The following PCLO variants were observed in gnomAD, a reference collection of about 807,000 sequenced individuals.
PCLO encodes piccolo presynaptic cytomatrix protein.
PCLO carries 82 observed loss-of-function variants against 427.5 expected under a neutral mutation model. That is an observed-to-expected ratio of 0.19 (90% confidence interval 0.16 to 0.23). The LOEUF is 0.23. Ranked by LOEUF, PCLO falls within the 10% of genes least tolerant of loss-of-function variation. The probability of loss-of-function intolerance (pLI) is 1.00; values close to 1 mark genes in which losing one functional copy is unlikely to be tolerated. For synonymous variants in PCLO, 2,357 were observed against 2,155.4 expected, an observed-to-expected ratio of 1.09 and a Z score of -2.59; for missense variants, 6,239 against 6,115.9, an observed-to-expected ratio of 1.02 and a Z score of -0.67.
intron 6 of PCLO, among the ~76,000 whole-genome samples, chr7:82,934,020 T>C (rs1794896751): frequency 6.6e-6 from 1 of 151,960 alleles, no homozygotes; most frequent in Admixed American, 6.6e-5. Context: ...GCAAGTGAGA[T>C]TTTATTTTAT....
At position 82,953,281 on chromosome 7, in the gene PCLO, T is replaced by G; in HGVS notation, c.7672A>C (p.Thr2558Pro). Reference protein sequence around the residue: ...TSADYKLPSPTSPLSPHSNKS... With the variant: ...TSADYKLPSPPSPLSPHSNKS... The stretch of plus-strand genomic sequence containing the variant: ...TTGGAGTGTGGGGAAAGTGGGGAGG[T>G]AGGGGAAGGCAATTTATAATCTGCT... Residue 2558 changes from threonine to proline, a missense_variant, in exon 5 of 25, where the codon ACC becomes CCC. This residue lies in a region of PCLO where 4,677 missense variants were observed against 4,468.4 expected (regional missense o/e 1.05). Transcript: ENST00000333891. The G allele has an allele frequency of 1.2e-6, 2 of 1,613,186 alleles. No individual in the cohort carries two copies. The highest frequency in any genetic ancestry group is 1.7e-6 in the Non-Finnish European group (2 of 1,179,698).
At chr7:82,965,198 G>C (rs1795736303) in intron 4 of PCLO, among the ~76,000 whole-genome samples, 1 of 151,846 alleles carries the variant, frequency 6.6e-6, no homozygotes, top group African/African-American at 2.4e-5. Context: ...ACTGCTAACA[G>C]ATACATTATA....
In PCLO at chr7:82,835,692, G is replaced by C; in HGVS notation, c.14224C>G (p.Gln4742Glu). 6.2e-7 allele frequency: 1 copy of C among 1,608,962 alleles called. No individual in the cohort carries two copies. Among genetic ancestry groups the C allele is most frequent in the Non-Finnish European group, 8.5e-7 (1 of 1,177,038 alleles). ...VKVYLLPGRG[Q>E]VMVVQNASAE... ...CTTGCATTCTGGACAACCATGACTTGACTGCATTGATTCCAAGAGCGAGAG... is the reference window on the plus strand; with the variant it reads ...CTTGCATTCTGGACAACCATGACTTCACTGCATTGATTCCAAGAGCGAGAG... The change falls in exon 16 of 25, where the codon CAA (glutamine) becomes GAA (glutamate). Residue 4742 changes from glutamine to glutamate, a missense_variant and splice_region_variant. Gln to Glu is a conservative substitution (Grantham distance 29). Coordinates refer to ENST00000333891, the MANE Select transcript of PCLO (RefSeq NM_033026.6).
At chr7:82,803,149 A>G (rs570612350) in intron 21 of PCLO, among the ~76,000 whole-genome samples, 3 of 152,182 alleles carry the variant, frequency 2.0e-5, no homozygotes, top group Non-Finnish European at 2.9e-5. Flanking sequence ...AAGAAAAAAA[A>G]AAGAACTCTG....
rs1795926564 is a variant in PCLO, at chr7:82,972,398, C to A, written c.3301-5911G>T. ...TAGCAACAATCCCATTAAGGAGAAT[C>A]TCAGAACTTCAGGGCTGCCTATTTA... On this transcript the variant is annotated intron_variant, in intron 3 of 24. Transcript: ENST00000333891. 1.3e-5 allele frequency among the ~76,000 whole-genome samples: 2 copies of A among 151,974 alleles called. 1 individual carries two copies. Among genetic ancestry groups the A allele is most frequent in the South Asian group, 4.1e-4 (2 of 4,828 alleles).
At chr7:82,815,457 A>G (rs1298652268) in intron 20 of PCLO, among the ~76,000 whole-genome samples, 2 of 152,102 alleles carry the variant, frequency 1.3e-5, no homozygotes, top group African/African-American at 2.4e-5. Context: ...TGAATTAGGT[A>G]GTTGTAAAAA....
chr7:82,956,558 T>C lies in PCLO; in HGVS notation c.4395A>G (p.Glu1465=), dbSNP rs958827211. The part of the protein sequence containing the change: ...LSETLEITIS[E]EEIKESQEER... ...CTTCTTGACTCTCTTTGATCTCCTC[T>C]TCTGAAATAGTAATTTCCAAGGTTT... Residue 1465 remains glutamate, a synonymous_variant, in exon 5 of 25, where the codon GAA becomes GAG. Transcript: ENST00000333891. 3 of 1,612,884 alleles carry C rather than the reference T, an allele frequency of 1.9e-6. No homozygotes were observed. The highest frequency in any genetic ancestry group is 2.7e-5 in the African/African-American group (2 of 74,886).
chr7:83,021,199 T>A (rs1399799782), intron 3 of PCLO, among the ~76,000 whole-genome samples: 1 of 152,118 alleles, frequency 6.6e-6, no homozygotes, highest in Non-Finnish European at 1.5e-5. Flanking sequence ...CCAGAACTCC[T>A]CAGGAGGATA....
At chr7:83,067,849 A>G (rs1473957343) in intron 3 of PCLO, among the ~76,000 whole-genome samples, 1 of 152,222 alleles carries the variant, frequency 6.6e-6, no homozygotes, top group Non-Finnish European at 1.5e-5. Context: ...CTCCTGTGTA[A>G]AGAAAGGTCA....
Position 82,822,677 on chromosome 7 carries a change from G to A in PCLO, c.14609C>T (p.Pro4870Leu). The A allele has an allele frequency of 6.2e-7, 1 of 1,613,158 alleles. No homozygotes were observed. The highest frequency in any genetic ancestry group is 8.5e-7 in the Non-Finnish European group (1 of 1,179,720). Residue 4870 changes from proline (P) to leucine (L), a missense_variant, in exon 20 of 25, where the codon CCC becomes CTC. This residue lies in a region of PCLO where 877 missense variants were observed against 925.5 expected (regional missense o/e 0.95). Coordinates refer to ENST00000333891, the MANE Select transcript of PCLO (RefSeq NM_033026.6). ...FPDPSKDMQV[P>L]TIEKSHSSPG... ...ACTACTATGGGATTTCTCAATGGTGGGAACCTGCATGTCTGGTCACAAAAG... is the reference window on the plus strand; with the variant it reads ...ACTACTATGGGATTTCTCAATGGTGAGAACCTGCATGTCTGGTCACAAAAG...
intron 4 of PCLO, among the ~76,000 whole-genome samples, chr7:82,958,275 CTCCT>C (rs536870553): frequency 1.5e-4 from 23 of 151,076 alleles, no homozygotes; most frequent in East Asian, 3.9e-4. Flanking sequence ...AACAAACATA[CTCCT>C]TCCTTCCTTC....
chr7:82,846,697 T>A, intron 11 of PCLO, 63 bp from the exon 12 acceptor site: 1 of 1,071,390 alleles, frequency 9.3e-7, no homozygotes, highest in Non-Finnish European at 1.4e-6. Flanking sequence ...GAGCACTTTT[T>A]TCCAACTACC....
At chr7:82,873,692 C>T (rs1793296232) in intron 10 of PCLO, among the ~76,000 whole-genome samples, 1 of 152,072 alleles carries the variant, frequency 6.6e-6, no homozygotes, top group African/African-American at 2.4e-5. Flanking sequence ...TGTTTTGTGT[C>T]CTCACCCTTG....
At chr7:83,153,658 A>G (rs1362142658) in intron 2 of PCLO, among the ~76,000 whole-genome samples, 1 of 152,168 alleles carries the variant, frequency 6.6e-6, no homozygotes, top group Non-Finnish European at 1.5e-5. Flanking sequence ...GTGCCTTCTC[A>G]TTAAGTAGAG....
At chr7:83,069,492 T>C (rs1003287690) in intron 3 of PCLO, among the ~76,000 whole-genome samples, 5 of 152,166 alleles carry the variant, frequency 3.3e-5, no homozygotes, top group Admixed American at 3.3e-4. Flanking sequence ...GCTTTAAAAC[T>C]TAAAGTTTTA....
At chr7:82,793,042 C>G (rs1313616195) in intron 22 of PCLO, among the ~76,000 whole-genome samples, 1 of 151,528 alleles carries the variant, frequency 6.6e-6, no homozygotes, top group African/African-American at 2.4e-5. Context: ...TTTCTGCGTA[C>G]CTATCTCTAA....
In PCLO at chr7:82,953,558, T is replaced by G. The variant is rs754216468; in HGVS notation, c.7395A>C (p.Thr2465=). 22 of 1,613,046 alleles carry G rather than the reference T, an allele frequency of 1.4e-5. No homozygotes were observed. The highest frequency in any genetic ancestry group is 1.9e-5 in the Non-Finnish European group (22 of 1,179,374). The change falls in exon 5 of 25, where the codon ACA becomes ACC. Residue 2465 remains threonine, a synonymous_variant. Transcript: ENST00000333891. ...LFDAVTTLET[T]AVLRSNGLPV... Reference sequence around the variant, plus strand: ...GTAATCCATTACTTCTCAGAACAGCTGTGGTCTCTAGAGTAGTAACAGCAT... The same window carrying G: ...GTAATCCATTACTTCTCAGAACAGCGGTGGTCTCTAGAGTAGTAACAGCAT...
intron 16 of PCLO, among the ~76,000 whole-genome samples, chr7:82,834,272 A>G (rs1164299293): frequency 3.9e-5 from 6 of 152,102 alleles, no homozygotes; most frequent in Non-Finnish European, 8.8e-5. Context: ...AAATAACACT[A>G]TTTCTTTGAA....
intron 9 of PCLO, among the ~76,000 whole-genome samples, chr7:82,884,156 C>T (rs1793576319): frequency 6.6e-6 from 1 of 152,162 alleles, no homozygotes; most frequent in South Asian, 2.1e-4. Context: ...CTTGCATTCA[C>T]ACCTCTTTTC....
Sources: allele counts gnomAD v4.1 joint callset (sites outside exome capture counted in the v4.1 genomes callset), GRCh38; gene constraint gnomAD v4.1.1; regional missense constraint gnomAD v4.1.1; transcripts MANE v1.5; gene names NCBI Gene and HGNC (gene_info 2026-07-23, HGNC 2026-07-21).